Variants in HHAT observed in about 807,000 individuals in gnomAD.
HHAT encodes the protein protein-cysteine N-palmitoyltransferase HHAT.
A neutral mutation model predicts 70.8 loss-of-function variants in HHAT; 47 were observed. That is an observed-to-expected ratio of 0.66 (90% CI 0.53 to 0.85). HHAT has a LOEUF of 0.85. HHAT is among the 40% of genes least tolerant of loss of function. The pLI, the probability that HHAT is intolerant of heterozygous loss-of-function variation, is 0.00. For missense variants in HHAT, 609 were observed against 604.8 expected, an observed-to-expected ratio of 1.01 and a Z score of -0.07; for synonymous variants, 228 against 247.6, an observed-to-expected ratio of 0.92 and a Z score of 0.74.
At chr1:210,554,272 T>C (rs1019089275) in intron 9 of HHAT, among the ~76,000 whole-genome samples, 6 of 152,174 alleles carry the variant, frequency 3.9e-5, no homozygotes, top group African/African-American at 1.2e-4. Context: ...TTCAAAAATA[T>C]TTGTTGAGCT....
At chr1:210,583,104 T>C (rs559275671) in intron 9 of HHAT, among the ~76,000 whole-genome samples, 1 of 152,254 alleles carries the variant, frequency 6.6e-6, no homozygotes, top group South Asian at 2.1e-4. Flanking sequence ...AGTTATTTCC[T>C]TGGAGGGTTG....
At position 210,587,310 on chromosome 1, in the gene HHAT, C is replaced by T. The variant is rs116601404; in HGVS notation, c.1044-588C>T. Among the ~76,000 whole-genome samples the T allele has an allele frequency of 1.9e-3, 296 of 152,224 alleles. 1 individual carries two copies. Among genetic ancestry groups the T allele is most frequent in the African/African-American group, 6.8e-3 (284 of 41,534 alleles). ...AGAAGCAAAGGCACATCTTACATGGCGCCAGGCCGGAGAGCATGTGCAGGG... is the reference window on the plus strand; with the variant it reads ...AGAAGCAAAGGCACATCTTACATGGTGCCAGGCCGGAGAGCATGTGCAGGG... On this transcript the variant is annotated intron_variant, in intron 9 of 11. Coordinates refer to ENST00000261458, the MANE Select transcript of HHAT (RefSeq NM_018194.6).
At chr1:210,433,044 GCA>G (rs1454199022) in intron 7 of HHAT, among the ~76,000 whole-genome samples, 2 of 151,658 alleles carry the variant, frequency 1.3e-5, no homozygotes, top group African/African-American at 4.9e-5. Flanking sequence ...TGAGACAGCA[GCA>G]CAGACAGTAA....
intron 1 of HHAT, among the ~76,000 whole-genome samples, chr1:210,333,497 C>T: frequency 6.6e-6 from 1 of 152,074 alleles, no homozygotes; most frequent in Non-Finnish European, 1.5e-5. Context: ...TTTATCAATG[C>T]AGTAAGTAAC....
chr1:210,643,273 C>T (rs772875220), intron 11 of HHAT, among the ~76,000 whole-genome samples: 6 of 152,120 alleles, frequency 3.9e-5, no homozygotes, highest in South Asian at 2.1e-4. Flanking sequence ...TTTTTTACTT[C>T]GGAAACATCT....
At chr1:210,475,024 T>TG (rs2094282297) in intron 8 of HHAT, among the ~76,000 whole-genome samples, 1 of 102,910 alleles carries the variant, frequency 9.7e-6, no homozygotes, top group Non-Finnish European at 1.8e-5. Context: ...CTATTTTTTT[T>TG]GTTTTTTTTT....
At position 210,453,127 on chromosome 1, in the gene HHAT, G is replaced by A. The variant is rs142410851; in HGVS notation, c.857-11378G>A. Among the ~76,000 whole-genome samples the A allele has an allele frequency of 8.5e-3, 1,289 of 152,320 alleles. 13 individuals are homozygous for A. Among genetic ancestry groups the A allele is most frequent in the Middle Eastern group, 0.02 (6 of 294 alleles). ...TACAACATAACAGTGAGAGGAAAGG[G>A]ATAAGACATTTGACGTCTGATCCTT... is the stretch of plus-strand genomic sequence containing the variant. On this transcript the variant is annotated intron_variant, in intron 7 of 11. Coordinates refer to ENST00000261458, the MANE Select transcript of HHAT (RefSeq NM_018194.6).
intron 8 of HHAT, among the ~76,000 whole-genome samples, chr1:210,496,101 A>C (rs2094638947): frequency 1.4e-5 from 2 of 141,410 alleles, no homozygotes; most frequent in African/African-American, 5.1e-5. Context: ...TTTTTTTTGA[A>C]TCTTTTTAGT....
chr1:210,374,304 C>T (rs979574214), intron 3 of HHAT: 7 of 152,220 alleles, frequency 4.6e-5, no homozygotes, highest in Non-Finnish European at 8.8e-5. Context: ...GTTGCAGTAA[C>T]CGCAACTCCT....
intron 11 of HHAT, among the ~76,000 whole-genome samples, chr1:210,641,759 T>C (rs1013301452): frequency 2.6e-5 from 4 of 152,316 alleles, no homozygotes; most frequent in African/African-American, 9.6e-5. Flanking sequence ...GTACCTCATA[T>C]ATCTACCAGC....
At chr1:210,480,273 C>T (rs981591821) in intron 8 of HHAT, among the ~76,000 whole-genome samples, 17 of 152,180 alleles carry the variant, frequency 1.1e-4, no homozygotes, top group African/African-American at 3.6e-4. Flanking sequence ...TGAAATCCCA[C>T]GGACAGACTG....
chr1:210,611,646 C>T (rs1210792042), intron 10 of HHAT, among the ~76,000 whole-genome samples: 2 of 152,092 alleles, frequency 1.3e-5, no homozygotes. Flanking sequence ...ATGGGTTTGT[C>T]ATATATCACT....
Position 210,404,540 on chromosome 1 carries a change from G to A in HHAT, c.545G>A (p.Ser182Asn), listed in dbSNP as rs2294851. 231,689 of 1,613,550 alleles carry A rather than the reference G, an allele frequency of 0.14. 18,017 individuals carry two copies. Among genetic ancestry groups the A allele is most frequent in the East Asian group, 0.26 (11,453 of 44,866 alleles). Residue 182 changes from serine to asparagine, a missense_variant, in exon 6 of 12, where the codon AGC becomes AAC. By Grantham distance (46) the Ser-to-Asn change is conservative. Coordinates refer to ENST00000261458, the MANE Select transcript of HHAT (RefSeq NM_018194.6). ...ACCGTTCGCTGCCTGTACTACACCA[G>A]CTTCAGCCTGGAGCTCTGCTGGCAG... ...TLTVRCLYYT[S>N]FSLELCWQQL...
At chr1:210,534,164 C>G (rs2095345746) in intron 9 of HHAT, among the ~76,000 whole-genome samples, 2 of 152,208 alleles carry the variant, frequency 1.3e-5, no homozygotes, top group Non-Finnish European at 2.9e-5. Context: ...GTTCTGGGCA[C>G]TGCTGAGCAG....
At chr1:210,664,993 CG>C (rs1255765999) in intron 11 of HHAT, among the ~76,000 whole-genome samples, 2 of 151,840 alleles carry the variant, frequency 1.3e-5, no homozygotes, top group African/African-American at 4.8e-5. Context: ...CTCCTGGAGT[CG>C]CCTCTTTCCC....
intron 7 of HHAT, among the ~76,000 whole-genome samples, chr1:210,422,778 A>T (rs1221691552): frequency 6.6e-6 from 1 of 152,132 alleles, no homozygotes; most frequent in Non-Finnish European, 1.5e-5. Flanking sequence ...CTGGGATTAC[A>T]GGTGCCCACC....
chr1:210,531,541 G>A (rs1341626926), intron 9 of HHAT, among the ~76,000 whole-genome samples: 1 of 152,196 alleles, frequency 6.6e-6, no homozygotes, highest in African/African-American at 2.4e-5. Context: ...AACCACCTGG[G>A]TTTGAATCCC....
chr1:210,417,658 C>T (rs2148270824), intron 6 of HHAT, among the ~76,000 whole-genome samples: 1 of 152,264 alleles, frequency 6.6e-6, no homozygotes, highest in Non-Finnish European at 1.5e-5. Context: ...AATGACATGC[C>T]CACACATCAT....
chr1:210,582,849 C>G (rs963226657), intron 9 of HHAT, among the ~76,000 whole-genome samples: 4 of 152,232 alleles, frequency 2.6e-5, no homozygotes, highest in African/African-American at 9.6e-5. Context: ...TGACACTGAA[C>G]AGTGGCTAAC....
Sources: allele counts gnomAD v4.1 joint callset (sites outside exome capture counted in the v4.1 genomes callset), GRCh38; gene constraint gnomAD v4.1.1; transcripts MANE v1.5; gene names NCBI Gene and HGNC (gene_info 2026-07-23, HGNC 2026-07-21).